The following TLK2 variants were observed in gnomAD, a reference collection of about 807,000 sequenced individuals.
TLK2 encodes the protein tousled like kinase 2.
TLK2 carries 6 observed loss-of-function variants against 117.3 expected under a neutral mutation model. The ratio of observed to expected loss-of-function variants is 0.05; its 90% CI spans 0.03 to 0.10. The LOEUF (loss-of-function observed/expected upper bound fraction) is 0.10, where lower values mean the gene tolerates loss of function less well. Among genes scored for constraint, TLK2 ranks in the 10% least tolerant of loss-of-function variants. The pLI, the probability that TLK2 is intolerant of heterozygous loss-of-function variation, is 1.00. For missense variants in TLK2, 299 were observed against 901.2 expected, an observed-to-expected ratio of 0.33 and a Z score of 8.56; for synonymous variants, 257 against 316.7, an observed-to-expected ratio of 0.81 and a Z score of 2.00.
intron 1 of TLK2, among the ~76,000 whole-genome samples, chr17:62,472,178 T>C (rs2070955495): frequency 6.6e-6 from 1 of 151,278 alleles, no homozygotes; most frequent in Non-Finnish European, 1.5e-5. Flanking sequence ...AGTGCTGGGA[T>C]TACAGGCGTG....
rs368567244 is a variant in TLK2 at position 62,524,249 on chromosome 17, G to A, written c.281G>A (p.Ser94Asn). ...CCTGTTGGCCAGTTTGCTGGGGGAAGCGCGCCAGGAACCAGCCCTGGCAGA... is the reference window on the plus strand; with the variant it reads ...CCTGTTGGCCAGTTTGCTGGGGGAAACGCGCCAGGAACCAGCCCTGGCAGA... ...ISDYFEFAGG[S>N]APGTSPGRSV... The change falls in exon 6 of 22, where the codon AGC becomes AAC. Residue 94 changes from serine (S) to asparagine (N), a missense_variant. Ser to Asn is a conservative substitution (Grantham distance 46). Coordinates refer to ENST00000346027, the MANE Select transcript of TLK2 (RefSeq NM_006852.6). 2 of 1,613,804 alleles carry A rather than the reference G, an allele frequency of 1.2e-6. No individual in the cohort carries two copies. The highest frequency in any genetic ancestry group is 1.1e-5 in the South Asian group (1 of 91,072).
chr17:62,582,603 T>G (rs534854184), intron 15 of TLK2, among the ~76,000 whole-genome samples: 1 of 152,252 alleles, frequency 6.6e-6, no homozygotes, highest in East Asian at 1.9e-4. Flanking sequence ...ATGTTCATTC[T>G]TAAGTCAATG....
At chr17:62,606,483 G>A (rs1231688945) in intron 20 of TLK2, among the ~76,000 whole-genome samples, 1 of 152,162 alleles carries the variant, frequency 6.6e-6, no homozygotes, top group Non-Finnish European at 1.5e-5. Flanking sequence ...CACTTTTGCT[G>A]TTCTCAATTA....
At chr17:62,585,014 C>A (rs1004780087) in intron 15 of TLK2, among the ~76,000 whole-genome samples, 1 of 152,176 alleles carries the variant, frequency 6.6e-6, no homozygotes, top group African/African-American at 2.4e-5. Flanking sequence ...GCAATAAATT[C>A]TTTTGTTTGG....
chr17:62,549,270 G>A (rs1404160941), intron 7 of TLK2, among the ~76,000 whole-genome samples: 6 of 146,540 alleles, frequency 4.1e-5, no homozygotes, highest in Non-Finnish European at 9.0e-5. Context: ...GTGGTGGCGG[G>A]TGCCTGTAGT....
chr17:62,537,508 G>C (rs1331815794), intron 7 of TLK2, among the ~76,000 whole-genome samples: 3 of 152,124 alleles, frequency 2.0e-5, no homozygotes, highest in Non-Finnish European at 4.4e-5. Flanking sequence ...GTTTCCTCCT[G>C]TATCCCAGAG....
intron 2 of TLK2, among the ~76,000 whole-genome samples, chr17:62,494,227 C>T (rs1227411369): frequency 3.3e-5 from 5 of 152,014 alleles, no homozygotes; most frequent in East Asian, 1.9e-4. Flanking sequence ...GGACTACAGG[C>T]GTGTGCCGTC....
intron 15 of TLK2, 34 bp downstream of exon 15, chr17:62,580,226 G>A (rs375909509): frequency 7.1e-5 from 109 of 1,525,898 alleles, no homozygotes; most frequent in Non-Finnish European, 8.9e-5. Flanking sequence ...AAGACTGGGG[G>A]TTAAATTATC....
At chr17:62,605,098 C>T (rs1340592600) in intron 19 of TLK2, among the ~76,000 whole-genome samples, 3 of 151,828 alleles carry the variant, frequency 2.0e-5, no homozygotes, top group Non-Finnish European at 4.4e-5. Flanking sequence ...GAGGCTGAGG[C>T]GGGCGGATCA....
rs1467466960 is a variant in TLK2 at position 62,614,739 on chromosome 17, G to A, written c.*2174G>A. On this transcript the variant is annotated 3_prime_UTR_variant, in exon 22 of 22. Transcript: ENST00000346027. Reference sequence around the variant, plus strand: ...TGTATATACACATGCACATATAAACGTGTGCATTTATGTATGTGTGTATAG... The same window carrying A: ...TGTATATACACATGCACATATAAACATGTGCATTTATGTATGTGTGTATAG... 2 of 152,080 alleles carry A rather than the reference G, an allele frequency of 1.3e-5. No individual in the cohort carries two copies. The highest frequency in any genetic ancestry group is 2.9e-5 in the Non-Finnish European group (2 of 68,016). 9.4% of individuals were successfully genotyped at this position (152,080 alleles called of 1,614,324 possible). A position where few individuals can be genotyped will look rare whatever the true frequency, so the allele number is the denominator to read the frequency against.
chr17:62,571,763 T>G (rs1465450749), intron 11 of TLK2, among the ~76,000 whole-genome samples: 1 of 152,174 alleles, frequency 6.6e-6, no homozygotes, highest in Admixed American at 6.6e-5. Context: ...GTAATCTTGG[T>G]TTTCTGCTTG....
At chr17:62,589,199 T>A (rs1567979913) in intron 16 of TLK2, among the ~76,000 whole-genome samples, 1 of 152,274 alleles carries the variant, frequency 6.6e-6, no homozygotes, top group South Asian at 2.1e-4. Flanking sequence ...ATTTTTATTT[T>A]AAAAATTTAG....
chr17:62,532,135 C>G (rs147686364), intron 6 of TLK2, among the ~76,000 whole-genome samples: 23 of 152,220 alleles, frequency 1.5e-4, no homozygotes, highest in Non-Finnish European at 3.4e-4. Flanking sequence ...CTGGCAGATC[C>G]CTAATACTTT....
rs146294091 is a variant in TLK2 at position 62,593,591 on chromosome 17, G to GC, written c.1461-2993dup. 3.3e-5 allele frequency among the ~76,000 whole-genome samples: 5 copies of GC among 151,950 alleles called. No individual in the cohort carries two copies. In the East Asian group the frequency reaches 9.7e-4, roughly 29 times the overall value. On this transcript the variant is annotated intron_variant, in intron 16 of 21. Transcript: ENST00000346027. ...GCACACAACTCATTAGCCTAGGCTT[G>GC]CACAGGGTCAGGACCATCAATATCA...
At chr17:62,586,262 A>G (rs893074953) in intron 16 of TLK2, 36 bp downstream of exon 16, 3 of 1,425,236 alleles carry the variant, frequency 2.1e-6, no homozygotes, top group Non-Finnish European at 3.0e-6. Flanking sequence ...TTTTAAAATT[A>G]AATAATACCT....
intron 2 of TLK2, among the ~76,000 whole-genome samples, chr17:62,512,784 CCT>C (rs1423651405): frequency 6.6e-6 from 1 of 150,770 alleles, no homozygotes; most frequent in East Asian, 1.9e-4. Flanking sequence ...ATTTTTCTCC[CCT>C]TTTTTCCTAA....
intron 2 of TLK2, among the ~76,000 whole-genome samples, chr17:62,514,788 A>G (rs1431385546): frequency 2.0e-5 from 3 of 152,028 alleles, no homozygotes; most frequent in Non-Finnish European, 2.9e-5. Context: ...CATGTTGGCC[A>G]TGCTTCTCTC....
chr17:62,571,982 A>AC (rs1385528678), intron 11 of TLK2, among the ~76,000 whole-genome samples: 3 of 152,088 alleles, frequency 2.0e-5, no homozygotes, highest in Non-Finnish European at 4.4e-5. Context: ...AGCCTAGCCA[A>AC]CATGATGAAA....
intron 17 of TLK2, chr17:62,597,283 T>G (rs2082548860): frequency 6.6e-6 from 1 of 152,270 alleles, no homozygotes; most frequent in Non-Finnish European, 1.5e-5. Flanking sequence ...ATTACTGGCT[T>G]CTTTCACTTA....
Sources: allele counts gnomAD v4.1 joint callset (sites outside exome capture counted in the v4.1 genomes callset), GRCh38; gene constraint gnomAD v4.1.1; transcripts MANE v1.5; gene names NCBI Gene and HGNC (gene_info 2026-07-23, HGNC 2026-07-21).